CUL2: variants seen among roughly 807,000 people sequenced by gnomAD.
CUL2 encodes the protein cullin-2.
CUL2 carries 22 observed loss-of-function variants against 110.2 expected under a neutral mutation model. The ratio of observed to expected loss-of-function variants is 0.20; its 90% CI spans 0.14 to 0.28. The LOEUF is 0.28. Among genes scored for constraint, CUL2 ranks in the 10% least tolerant of loss-of-function variants. The pLI is 1.00. For synonymous variants in CUL2, 279 were observed against 293.2 expected, an observed-to-expected ratio of 0.95 and a Z score of 0.49; for missense variants, 631 against 905.5, an observed-to-expected ratio of 0.70 and a Z score of 3.89.
intron 15 of CUL2, among the ~76,000 whole-genome samples, chr10:35,029,211 C>T (rs942665147): frequency 6.6e-6 from 1 of 152,146 alleles, no homozygotes; most frequent in Admixed American, 6.5e-5. Context: ...GCACGCACCA[C>T]CACACCTGGC....
At chr10:35,086,696 G>T (rs575101246) in intron 1 of CUL2, among the ~76,000 whole-genome samples, 11 of 152,002 alleles carry the variant, frequency 7.2e-5, no homozygotes, top group South Asian at 6.2e-4. Flanking sequence ...CTCCAGCCTG[G>T]GTGACAGAGC....
At chr10:35,074,059 C>T in intron 1 of CUL2, 1 of 873,526 alleles carries the variant, frequency 1.1e-6, no homozygotes. Context: ...ACCTCACTAA[C>T]ATGCTTGGTG....
chr10:35,071,231 G>A lies in CUL2; in HGVS notation c.87C>T (p.Tyr29=), dbSNP rs534321486. The change falls in exon 2 of 21, where the codon TAC becomes TAT. Residue 29 remains tyrosine, a synonymous_variant. Coordinates refer to ENST00000374749, the MANE Select transcript of CUL2 (RefSeq NM_003591.4). ...TTIKAVVMLE[Y]VERATWNDRF... ...GGTCATTCCATGTTGCTCTTTCGAC[G>A]TATTCCAACATGACCACGGCTTTTA... 40 of 1,613,984 alleles carry A rather than the reference G, an allele frequency of 2.5e-5. No individual in the cohort carries two copies. The highest frequency in any genetic ancestry group is 5.3e-5 in the African/African-American group (4 of 75,022).
At chr10:35,106,304 G>GTT (rs560169656) in intron 1 of CUL2, among the ~76,000 whole-genome samples, 39 of 142,290 alleles carry the variant, frequency 2.7e-4, no homozygotes, top group African/African-American at 9.3e-4. Context: ...TGTGTTTTTT[G>GTT]TTTTTTTTTT....
At chr10:35,074,246 T>G in intron 1 of CUL2, 1 of 1,530,140 alleles carries the variant, frequency 6.5e-7, no homozygotes, top group Non-Finnish European at 8.8e-7. Context: ...AGTTTGTTGT[T>G]TCCTTCTACA....
chr10:35,009,655 T>A lies in CUL2; in HGVS notation c.*656A>T, dbSNP rs2134598754. On this transcript the variant is annotated 3_prime_UTR_variant, in exon 21 of 21. Transcript: ENST00000374749. Reference sequence around the variant, plus strand: ...AAATGTTTAGATCCAATATATCTAATCCATAAAAATAAAGCATTCTTTATG... The same window carrying A: ...AAATGTTTAGATCCAATATATCTAAACCATAAAAATAAAGCATTCTTTATG... 6.6e-6 allele frequency: 1 copy of A among 152,466 alleles called. No homozygotes were observed. The highest frequency in any genetic ancestry group is 6.5e-5 in the Admixed American group (1 of 15,294). 9.4% of individuals were successfully genotyped at this position (152,466 alleles called of 1,614,324 possible). A position where few individuals can be genotyped will look rare whatever the true frequency, so the allele number is the denominator to read the frequency against.
chr10:35,099,470 G>T (rs958125452), intron 2 of CUL2: 1 of 151,314 alleles, frequency 6.6e-6, no homozygotes, highest in Non-Finnish European at 1.5e-5. Context: ...GTTAGAAGTA[G>T]AAACTACCCA....
intron 5 of CUL2, 116 bp from the exon 6 acceptor site, chr10:35,049,881 C>A: frequency 5.1e-6 from 3 of 586,816 alleles, no homozygotes; most frequent in Non-Finnish European, 8.8e-6. Flanking sequence ...ACTAATACTT[C>A]AAAATTCAAA....
At chr10:35,082,165 T>A (rs1349151185) in intron 1 of CUL2, among the ~76,000 whole-genome samples, 1 of 151,972 alleles carries the variant, frequency 6.6e-6, no homozygotes, top group Non-Finnish European at 1.5e-5. Flanking sequence ...TGCAGTGAGT[T>A]ATGATCACAC....
intron 1 of CUL2, chr10:35,118,145 A>G (rs2087631656): frequency 6.6e-6 from 1 of 152,256 alleles, no homozygotes; most frequent in South Asian, 2.1e-4. Flanking sequence ...TTATAGTATC[A>G]TGCAGAATAG....
chr10:35,119,972 T>C (rs2087658433), intron 1 of CUL2: 2 of 152,332 alleles, frequency 1.3e-5, no homozygotes, highest in African/African-American at 4.8e-5. Flanking sequence ...TTAATATTTA[T>C]TTCTTATTCT....
chr10:35,015,513 CATT>C (rs1180327105), intron 18 of CUL2, among the ~76,000 whole-genome samples: 37 of 151,854 alleles, frequency 2.4e-4, no homozygotes, highest in Admixed American at 2.4e-3. Flanking sequence ...AAAAACAAAA[CATT>C]ATTTATAGGA....
At chr10:35,069,163 G>A (rs1412344971) in intron 2 of CUL2, among the ~76,000 whole-genome samples, 2 of 152,046 alleles carry the variant, frequency 1.3e-5, no homozygotes, top group Non-Finnish European at 1.5e-5. Context: ...CAACGTGCCC[G>A]GCCTGTACTC....
At position 35,016,039 on chromosome 10, in the gene CUL2, G is replaced by A. The variant is rs759072446; in HGVS notation, c.1887+153C>T. The stretch of plus-strand genomic sequence containing the variant: ...ACAGCATGCTCTGTGATGCCTTAAC[G>A]CTCGCAGCTCTATGGAGCGTACAGT... On this transcript the variant is annotated intron_variant, in intron 18 of 20. Coordinates refer to ENST00000374749, the MANE Select transcript of CUL2 (RefSeq NM_003591.4). 5.9e-5 allele frequency among the ~76,000 whole-genome samples: 9 copies of A among 152,166 alleles called. 1 individual carries two copies. Among genetic ancestry groups the A allele is most frequent in the Non-Finnish European group, 8.8e-5 (6 of 68,026 alleles).
intron 1 of CUL2, among the ~76,000 whole-genome samples, chr10:35,075,635 AACAC>A (rs34714483): frequency 0.14 from 19,187 of 140,772 alleles, 1,395 homozygotes; most frequent in African/African-American, 0.21. Flanking sequence ...TGGGCCCTAA[AACAC>A]ACACACACAC....
intron 8 of CUL2, among the ~76,000 whole-genome samples, chr10:35,041,772 C>T (rs1011622184): frequency 1.3e-5 from 2 of 152,030 alleles, no homozygotes; most frequent in South Asian, 2.1e-4. Flanking sequence ...CCTGGACTTG[C>T]GTAATCTGCC....
chr10:35,061,432 G>T (rs1458945928), intron 3 of CUL2, among the ~76,000 whole-genome samples: 1 of 146,424 alleles, frequency 6.8e-6, no homozygotes, highest in Non-Finnish European at 1.5e-5. Flanking sequence ...TGCACTCCAG[G>T]CTGGGTGACA....
At position 35,008,883 on chromosome 10, in the gene CUL2, T is replaced by A. The variant is rs1372274451; in HGVS notation, c.*1428A>T. The A allele has an allele frequency of 6.6e-6, 1 of 152,146 alleles. No homozygotes were observed. Among genetic ancestry groups the A allele is most frequent in the African/African-American group, 2.4e-5 (1 of 41,432 alleles). The allele number at this position is 152,146 out of a possible 1,614,324, so 9.4% of individuals were successfully genotyped here. On this transcript the variant is annotated 3_prime_UTR_variant, in exon 21 of 21. Transcript: ENST00000374749. ...GGATTTTTTAAAGGCCTTACTGAAG[T>A]ATTATAAGTGAAATAATTTGTGTGA...
chr10:35,039,212 A>T lies in CUL2; in HGVS notation c.715-130T>A, dbSNP rs962538649. On this transcript the variant is annotated intron_variant, in intron 8 of 20. Coordinates refer to ENST00000374749, the MANE Select transcript of CUL2 (RefSeq NM_003591.4). ...ATGGCAAAGGTAATAAGGGTTACAT[A>T]AGCAATTTAAACCCACATTCTATAA... 8.0e-6 allele frequency: 4 copies of T among 500,954 alleles called. No homozygotes were observed. The Admixed American group carries it at 1.6e-4, about 20-fold the overall frequency. The allele number at this position is 500,954 out of a possible 1,614,324, so 31.0% of individuals were successfully genotyped here.
Sources: allele counts gnomAD v4.1 joint callset (sites outside exome capture counted in the v4.1 genomes callset), GRCh38; gene constraint gnomAD v4.1.1; transcripts MANE v1.5; gene names NCBI Gene and HGNC (gene_info 2026-07-23, HGNC 2026-07-21).